The following XKR5 variants were observed in gnomAD, a reference collection of about 807,000 sequenced individuals.
The protein encoded by XKR5 is XK-related protein 5.
A neutral mutation model predicts 40.8 loss-of-function variants in XKR5; 46 were observed. The ratio of observed to expected loss-of-function variants is 1.13; its 90% confidence interval spans 0.89 to 1.44. The LOEUF (loss-of-function observed/expected upper bound fraction) is 1.44. Among genes scored for constraint, XKR5 ranks in the 40% most tolerant of loss-of-function variants. The pLI, the probability that XKR5 is intolerant of heterozygous loss-of-function variation, is 0.00. For synonymous variants in XKR5, 466 were observed against 356.1 expected (o/e 1.31, Z -3.48); for missense variants, 1,169 against 844.7 (o/e 1.38, Z -4.76).
chr8:6,822,071 CA>C, intron 4 of XKR5, 33 bp from the exon 5 acceptor site: 2 of 1,572,796 alleles, frequency 1.3e-6, no homozygotes, highest in African/African-American at 2.7e-5. Context: ...CGTCAGGGTC[CA>C]TGCAAGGAGA....
rs544638263 is a variant in XKR5, at chr8:6,828,610, A to G, written c.243-3261T>C. The stretch of plus-strand genomic sequence containing the variant: ...CGTGGGGATTTGGTCACTAGGTCCT[A>G]TGAGATGGTGTCCGACATCTGTCCT... On this transcript the variant is annotated intron_variant, in intron 2 of 6. Coordinates refer to ENST00000618742, the MANE Select transcript of XKR5 (RefSeq NM_207411.5). 8.3e-4 allele frequency among the ~76,000 whole-genome samples: 126 copies of G among 152,294 alleles called. 5 individuals are homozygous for G. The South Asian group carries it at 0.026, about 31-fold the overall frequency.
At chr8:6,829,001 G>C (rs1015275311) in intron 2 of XKR5, among the ~76,000 whole-genome samples, 3 of 152,190 alleles carry the variant, frequency 2.0e-5, no homozygotes, top group African/African-American at 7.2e-5. Flanking sequence ...GCAGCTTGCT[G>C]TGTCGGAAAC....
chr8:6,824,731 C>A (rs192079705), intron 3 of XKR5, among the ~76,000 whole-genome samples: 95 of 152,188 alleles, frequency 6.2e-4, no homozygotes, highest in African/African-American at 2.0e-3. Context: ...GGGTTTTTGC[C>A]TGGCTGGTCT....
chr8:6,824,848 C>A (rs1437871880), intron 3 of XKR5, among the ~76,000 whole-genome samples: 1 of 152,094 alleles, frequency 6.6e-6, no homozygotes. Context: ...ATTAAAGACA[C>A]AAGAAAAACA....
Position 6,809,560 on chromosome 8 carries a change from A to AT in XKR5, c.*1637dup, listed in dbSNP as rs1323499036. On this transcript the variant is annotated 3_prime_UTR_variant, in exon 7 of 7. Coordinates refer to ENST00000618742, the MANE Select transcript of XKR5 (RefSeq NM_207411.5). ...CGCCTCAGCCTCTCAAAGTGCTGGG[A>AT]TTACCGGTGTGAGCCCCTGCATCCG... 2 of 152,078 alleles carry AT rather than the reference A, an allele frequency of 1.3e-5. No homozygotes were observed. Among genetic ancestry groups the AT allele is most frequent in the East Asian group, 3.9e-4 (2 of 5,150 alleles). The allele number at this position is 152,078 out of a possible 1,614,324, so 9.4% of individuals were successfully genotyped here.
At chr8:6,825,776 A>G (rs2117106138) in intron 2 of XKR5, among the ~76,000 whole-genome samples, 1 of 152,290 alleles carries the variant, frequency 6.6e-6, no homozygotes, top group East Asian at 1.9e-4. Context: ...TTGAAGGACA[A>G]AAAGTAGAAA....
At chr8:6,827,083 A>G (rs1055449197) in intron 2 of XKR5, among the ~76,000 whole-genome samples, 13 of 152,150 alleles carry the variant, frequency 8.5e-5, no homozygotes, top group African/African-American at 3.1e-4. Flanking sequence ...TACAACCTGA[A>G]GATCCACATA....
intron 2 of XKR5, among the ~76,000 whole-genome samples, chr8:6,827,605 T>G (rs532414755): frequency 6.6e-6 from 1 of 152,316 alleles, no homozygotes; most frequent in Admixed American, 6.5e-5. Context: ...TGACATAAAC[T>G]TAATGTTAAG....
At chr8:6,826,746 C>T (rs1326871385) in intron 2 of XKR5, among the ~76,000 whole-genome samples, 1 of 151,968 alleles carries the variant, frequency 6.6e-6, no homozygotes, top group African/African-American at 2.4e-5. Context: ...CAGCATAGAC[C>T]AAGGACAGCA....
At chr8:6,829,445 A>C (rs1036537211) in intron 2 of XKR5, 1 of 161,558 alleles carries the variant, frequency 6.2e-6, no homozygotes, top group African/African-American at 2.4e-5. Flanking sequence ...AGTCAGACTT[A>C]AAATGAACAT....
intron 4 of XKR5, among the ~76,000 whole-genome samples, chr8:6,823,303 A>G (rs1195700027): frequency 1.3e-5 from 2 of 152,174 alleles, no homozygotes; most frequent in Admixed American, 1.3e-4. Context: ...TGCCATTGCA[A>G]TTCTCAGCTG....
intron 2 of XKR5, among the ~76,000 whole-genome samples, chr8:6,826,677 A>G (rs1480074965): frequency 1.3e-5 from 2 of 152,126 alleles, no homozygotes; most frequent in Admixed American, 6.5e-5. Context: ...ATAAGGAGAG[A>G]TCTGGATGAC....
chr8:6,833,164 A>T (rs1804849712), intron 1 of XKR5, among the ~76,000 whole-genome samples: 2 of 152,190 alleles, frequency 1.3e-5, no homozygotes, highest in Admixed American at 6.5e-5. Flanking sequence ...CGCAGAAGGC[A>T]ATCTTCTTTT....
At chr8:6,816,476 A>G (rs574875328) in intron 5 of XKR5, among the ~76,000 whole-genome samples, 11 of 152,170 alleles carry the variant, frequency 7.2e-5, no homozygotes, top group Admixed American at 2.0e-4. Context: ...CAGCTGGTCA[A>G]AATGGCAGAT....
In XKR5 at chr8:6,812,314, G is replaced by A. The variant is rs879053438; in HGVS notation, c.945C>T (p.Tyr315=). The change falls in exon 7 of 7, where the codon TAC becomes TAT. Residue 315 remains tyrosine (Y), a synonymous_variant. Coordinates refer to ENST00000618742, the MANE Select transcript of XKR5 (RefSeq NM_207411.5). ...LIGSVSLVIY[Y]SLLHPKSTDI... ...CTGTGGATTTTGGATGCAGCAGGCT[G>A]TAATAAATTACCAGTGAGACACTGC... 3.9e-5 allele frequency: 61 copies of A among 1,550,630 alleles called. No individual in the cohort carries two copies. The highest frequency in any genetic ancestry group is 4.8e-5 in the Non-Finnish European group (55 of 1,146,566).
intron 6 of XKR5, among the ~76,000 whole-genome samples, chr8:6,814,301 G>A (rs762332723): frequency 2.6e-4 from 40 of 152,178 alleles, no homozygotes; most frequent in Non-Finnish European, 4.6e-4. Context: ...CATGGGATGC[G>A]ACTCAGCCAT....
intron 5 of XKR5, among the ~76,000 whole-genome samples, chr8:6,820,830 G>A (rs1804199503): frequency 6.6e-6 from 1 of 152,140 alleles, no homozygotes; most frequent in South Asian, 2.1e-4. Context: ...TGTCTAGGAC[G>A]CTTCCCTTTC....
intron 1 of XKR5, among the ~76,000 whole-genome samples, chr8:6,833,941 G>C (rs1804883073): frequency 6.6e-6 from 1 of 152,206 alleles, no homozygotes; most frequent in Non-Finnish European, 1.5e-5. Flanking sequence ...TGGTTTGTTT[G>C]CTTGTTTGTT....
Position 6,815,294 on chromosome 8 carries a change from T to G in XKR5, c.919+513A>C, listed in dbSNP as rs888825641. ...ATTCATAAAACACGGCTGATGACAG[T>G]GCCAGGCCTGTGCTCAGGCCTGCAC... is the stretch of plus-strand genomic sequence containing the variant. On this transcript the variant is annotated intron_variant, in intron 6 of 6. Transcript: ENST00000618742. Among the ~76,000 whole-genome samples, 6 of 152,174 alleles carry G rather than the reference T, an allele frequency of 3.9e-5. 1 individual carries two copies. Among genetic ancestry groups the G allele is most frequent in the African/African-American group, 1.4e-4 (6 of 41,450 alleles).
Sources: allele counts gnomAD v4.1 joint callset (sites outside exome capture counted in the v4.1 genomes callset), GRCh38; gene constraint gnomAD v4.1.1; transcripts MANE v1.5; gene names NCBI Gene and HGNC (gene_info 2026-07-23, HGNC 2026-07-21).